The following HMGA2 variants were observed in gnomAD, a reference collection of about 807,000 sequenced individuals.
HMGA2 encodes high mobility group AT-hook 2.
HMGA2 carries 8 observed loss-of-function variants against 19.1 expected under a neutral mutation model. The observed-to-expected ratio is 0.42, with a 90% CI of 0.25 to 0.76. The LOEUF is 0.76. Among genes scored for constraint, HMGA2 ranks in the 30% least tolerant of loss-of-function variants. The pLI is 0.28. For missense variants in HMGA2, 109 were observed against 136.3 expected (o/e 0.80, Z 1.00); for synonymous variants, 60 against 48.8 (o/e 1.23, Z -0.96).
intron 3 of HMGA2, among the ~76,000 whole-genome samples, chr12:65,853,163 C>T (rs925833539): frequency 2.0e-5 from 3 of 152,102 alleles, no homozygotes; most frequent in Non-Finnish European, 2.9e-5. Context: ...ATTGATTGTC[C>T]TGGCTGTGAC....
intron 3 of HMGA2, chr12:65,876,862 G>A (rs1873064552): frequency 6.6e-6 from 1 of 152,412 alleles, no homozygotes; most frequent in South Asian, 2.1e-4. Flanking sequence ...AGAAGGAACA[G>A]AACTTGTCTT....
chr12:65,886,677 C>T (rs571804151), intron 3 of HMGA2, among the ~76,000 whole-genome samples: 2 of 152,190 alleles, frequency 1.3e-5, no homozygotes, highest in South Asian at 4.2e-4. Context: ...TTTGATTCAT[C>T]ATTCTTGCAG....
At chr12:65,952,723 G>T (rs1876498653) in intron 4 of HMGA2, 1 of 245,252 alleles carries the variant, frequency 4.1e-6, no homozygotes, top group Admixed American at 5.0e-5. Context: ...AAAATCAAGA[G>T]AAAGTAAATT....
intron 3 of HMGA2, among the ~76,000 whole-genome samples, chr12:65,911,684 C>A (rs2121212653): frequency 6.6e-6 from 1 of 152,208 alleles, no homozygotes; most frequent in South Asian, 2.1e-4. Context: ...TCATCAATAC[C>A]AAACGGAATT....
chr12:65,860,027 G>A (rs1451227121), intron 3 of HMGA2: 1 of 453,020 alleles, frequency 2.2e-6, no homozygotes, highest in Non-Finnish European at 4.4e-6. Context: ...GGCATGTCTA[G>A]CCTTCAGTGA....
chr12:65,910,362 G>A (rs2121207574), intron 3 of HMGA2, among the ~76,000 whole-genome samples: 1 of 152,198 alleles, frequency 6.6e-6, no homozygotes, highest in South Asian at 2.1e-4. Context: ...TTCTCTCAAA[G>A]ACTAATATTG....
chr12:65,897,685 C>T (rs141728980), intron 3 of HMGA2, among the ~76,000 whole-genome samples: 4,289 of 152,278 alleles, frequency 0.028, 209 homozygotes, highest in African/African-American at 0.098. Flanking sequence ...AAAGGCCGGG[C>T]GTGGTGGCTC....
intron 3 of HMGA2, among the ~76,000 whole-genome samples, chr12:65,919,461 G>A (rs1484951589): frequency 6.6e-6 from 1 of 152,226 alleles, no homozygotes; most frequent in Non-Finnish European, 1.5e-5. Flanking sequence ...GGTGAATGCA[G>A]AGATGCTTTA....
chr12:65,824,574 T>G lies in HMGA2; in HGVS notation c.-697T>G, dbSNP rs894371509. The G allele has an allele frequency of 1.4e-4, 33 of 232,778 alleles. No individual in the cohort carries two copies. Among genetic ancestry groups the G allele is most frequent in the Non-Finnish European group, 2.4e-4 (28 of 118,120 alleles). 14.4% of individuals were successfully genotyped at this position (232,778 alleles called of 1,614,324 possible). ...CCGACTCTCCGGTGCCGCCGCTGCC[T>G]GCTCCCGCCACCCTAGGAGGCGCGG... On this transcript the variant is annotated 5_prime_UTR_variant, in exon 1 of 5. Coordinates refer to ENST00000403681, the MANE Select transcript of HMGA2 (RefSeq NM_003483.6).
intron 3 of HMGA2, among the ~76,000 whole-genome samples, chr12:65,947,486 T>C (rs1195849743): frequency 2.0e-5 from 3 of 152,344 alleles, no homozygotes; most frequent in African/African-American, 7.2e-5. Flanking sequence ...TGATGTTTTG[T>C]TCTGGGAGGA....
intron 3 of HMGA2, among the ~76,000 whole-genome samples, chr12:65,847,814 T>C (rs1050822116): frequency 6.6e-6 from 1 of 152,242 alleles, no homozygotes; most frequent in African/African-American, 2.4e-5. Flanking sequence ...TAATGGTGCT[T>C]ACTAAATGTT....
intron 3 of HMGA2, chr12:65,867,024 G>A (rs767797256): frequency 4.2e-5 from 19 of 448,704 alleles, no homozygotes; most frequent in South Asian, 2.7e-4. Context: ...TCTAAACACT[G>A]CAGAAGAACA....
At chr12:65,829,014 A>G (rs1255263762) in intron 2 of HMGA2, 1 of 152,178 alleles carries the variant, frequency 6.6e-6, no homozygotes, top group African/African-American at 2.4e-5. Context: ...AGTAATTGAG[A>G]ACAAAGTTTC....
intron 3 of HMGA2, among the ~76,000 whole-genome samples, chr12:65,865,004 C>T (rs183109942): frequency 2.6e-5 from 4 of 152,270 alleles, no homozygotes; most frequent in Admixed American, 2.0e-4. Context: ...ACCCCTGAAA[C>T]AGCAAGACCA....
chr12:65,916,882 C>T (rs1253246699), intron 3 of HMGA2, among the ~76,000 whole-genome samples: 2 of 152,132 alleles, frequency 1.3e-5, no homozygotes, highest in Admixed American at 6.5e-5. Flanking sequence ...GCTGGGGCAG[C>T]GGCACTTGGG....
chr12:65,846,352 T>C lies in HMGA2; in HGVS notation c.249+7783T>C, dbSNP rs573081375. Among the ~76,000 whole-genome samples, 23 of 152,332 alleles carry C rather than the reference T, an allele frequency of 1.5e-4. No individual in the cohort carries two copies. In the South Asian group the frequency reaches 3.7e-3, roughly 25 times the overall value. ...AGATTCAGAAGAATGGCATCAAATC[T>C]ATGCTTACATTAGACTCAGGTTGTG... On this transcript the variant is annotated intron_variant, in intron 3 of 4. Transcript: ENST00000403681.
At chr12:65,826,770 G>A (rs1391977375) in intron 1 of HMGA2, 1 of 111,466 alleles carries the variant, frequency 9.0e-6, no homozygotes, top group Non-Finnish European at 1.8e-5. Context: ...CTCACTAATT[G>A]CCCCCCCTCC....
intron 2 of HMGA2, among the ~76,000 whole-genome samples, chr12:65,837,680 G>A (rs548036999): frequency 1.2e-4 from 19 of 152,144 alleles, no homozygotes; most frequent in Admixed American, 4.6e-4. Context: ...TGACAAAAAC[G>A]GAAAAACTAA....
At chr12:65,830,346 A>G (rs1422864908) in intron 2 of HMGA2, among the ~76,000 whole-genome samples, 1 of 151,956 alleles carries the variant, frequency 6.6e-6, no homozygotes, top group East Asian at 1.9e-4. Context: ...CAAAACATAT[A>G]TGTTCGTCAG....
Sources: allele counts gnomAD v4.1 joint callset (sites outside exome capture counted in the v4.1 genomes callset), GRCh38; gene constraint gnomAD v4.1.1; transcripts MANE v1.5; gene names NCBI Gene and HGNC (gene_info 2026-07-23, HGNC 2026-07-21).